GADL1: variants seen among roughly 807,000 people sequenced by gnomAD.
GADL1 encodes acidic amino acid decarboxylase GADL1.
Under a neutral mutation model 69.5 loss-of-function variants are expected in GADL1, and 71 were observed. The ratio of observed to expected loss-of-function variants is 1.02; its 90% CI spans 0.84 to 1.25. GADL1 has a LOEUF of 1.25. Ranked by LOEUF, GADL1 falls within the 50% of genes most tolerant of loss-of-function variation. The probability of loss-of-function intolerance (pLI) is 0.00; values close to 1 mark genes in which losing one functional copy is unlikely to be tolerated. For missense variants in GADL1, 737 were observed against 631.8 expected (o/e 1.17, Z -1.79); for synonymous variants, 254 against 214.4 (o/e 1.18, Z -1.62).
Position 30,888,113 on chromosome 3 carries a change from TTTTG to T in GADL1, c.37+6461_37+6464del, listed in dbSNP as rs1208778418. ...TATACTGTATTGTTTTTGCGTTATTTTTTGTTTTTTATTTCTATTTTTTTAAAAT... is the reference window on the plus strand; with the variant it reads ...TATACTGTATTGTTTTTGCGTTATTTTTTTTTATTTCTATTTTTTTAAAAT... On this transcript the variant is annotated intron_variant, in intron 1 of 14. Transcript: ENST00000282538. Among the ~76,000 whole-genome samples, 116 of 152,336 alleles carry T rather than the reference TTTTG, an allele frequency of 7.6e-4. 1 individual carries two copies. Among genetic ancestry groups the T allele is most frequent in the African/African-American group, 2.6e-3 (109 of 41,580 alleles).
At chr3:30,746,734 G>T (rs563882667) in intron 14 of GADL1, among the ~76,000 whole-genome samples, 1 of 152,276 alleles carries the variant, frequency 6.6e-6, no homozygotes, top group East Asian at 1.9e-4. Context: ...TGACATATAA[G>T]TTGGAGATGC....
chr3:30,751,711 C>T lies in GADL1; in HGVS notation c.1393-23296G>A, dbSNP rs147314287. 3.5e-3 allele frequency among the ~76,000 whole-genome samples: 526 copies of T among 152,234 alleles called. 2 individuals are homozygous for T. Among genetic ancestry groups the T allele is most frequent in the African/African-American group, 0.012 (509 of 41,552 alleles). ...TAACTACAATCGTGTCTCATAGACACGGAGATCTATGCACTGAGAAACTGA... is the reference window on the plus strand; with the variant it reads ...TAACTACAATCGTGTCTCATAGACATGGAGATCTATGCACTGAGAAACTGA... On this transcript the variant is annotated intron_variant, in intron 14 of 14. Transcript: ENST00000282538.
chr3:30,799,240 C>T (rs1697112301), intron 12 of GADL1: 2 of 152,412 alleles, frequency 1.3e-5, no homozygotes, highest in Middle Eastern at 3.4e-3. Flanking sequence ...AAACTTTTAT[C>T]TGGGCATCCA....
intron 1 of GADL1, among the ~76,000 whole-genome samples, chr3:30,891,249 T>A (rs1481070392): frequency 6.6e-6 from 1 of 152,046 alleles, no homozygotes; most frequent in Non-Finnish European, 1.5e-5. Flanking sequence ...GCTGCTTTGA[T>A]CCTTAGCAAC....
chr3:30,811,756 T>A (rs1697359758), intron 11 of GADL1, among the ~76,000 whole-genome samples: 1 of 152,190 alleles, frequency 6.6e-6, no homozygotes, highest in African/African-American at 2.4e-5. Context: ...TCAAGAACAA[T>A]TGGTACAGTG....
chr3:30,750,998 T>C (rs1360712385), intron 14 of GADL1, among the ~76,000 whole-genome samples: 3 of 151,142 alleles, frequency 2.0e-5, no homozygotes, highest in African/African-American at 7.4e-5. Flanking sequence ...TAAAGAACTA[T>C]TGAGACAGGA....
At chr3:30,837,357 C>T (rs1442068797) in intron 9 of GADL1, among the ~76,000 whole-genome samples, 2 of 152,028 alleles carry the variant, frequency 1.3e-5, no homozygotes, top group Non-Finnish European at 2.9e-5. Context: ...GTAAACATGT[C>T]TTTAATAAGC....
chr3:30,843,416 C>T (rs541345546), intron 8 of GADL1, among the ~76,000 whole-genome samples: 87 of 152,154 alleles, frequency 5.7e-4, no homozygotes, highest in African/African-American at 2.0e-3. Context: ...CCACCACGCC[C>T]GGCGAATATT....
chr3:30,811,917 G>GTGCAGC (rs1230951117), intron 11 of GADL1, among the ~76,000 whole-genome samples: 1 of 152,210 alleles, frequency 6.6e-6, no homozygotes, highest in African/African-American at 2.4e-5. Flanking sequence ...TGATGCTAAG[G>GTGCAGC]TGCAGCCAGG....
At chr3:30,796,539 A>T (rs1201691212) in intron 12 of GADL1, among the ~76,000 whole-genome samples, 1 of 152,186 alleles carries the variant, frequency 6.6e-6, no homozygotes, top group Non-Finnish European at 1.5e-5. Flanking sequence ...CTCTCAAATA[A>T]TTAAACTTTC....
At chr3:30,878,581 A>C (rs555332622) in intron 1 of GADL1, among the ~76,000 whole-genome samples, 1 of 152,030 alleles carries the variant, frequency 6.6e-6, no homozygotes, top group African/African-American at 2.4e-5. Context: ...CATAAAATGC[A>C]TAACTTATCT....
chr3:30,826,598 G>A (rs1325602672), intron 11 of GADL1, among the ~76,000 whole-genome samples: 1 of 151,924 alleles, frequency 6.6e-6, no homozygotes, highest in African/African-American at 2.4e-5. Flanking sequence ...ACTCAAGGAT[G>A]AAATTGGGAG....
intron 14 of GADL1, among the ~76,000 whole-genome samples, chr3:30,732,106 T>G (rs1219314401): frequency 1.3e-5 from 2 of 152,200 alleles, no homozygotes; most frequent in Non-Finnish European, 2.9e-5. Flanking sequence ...CATTTTTTAT[T>G]TATGAAGCTC....
chr3:30,874,548 T>G (rs1698549922), intron 1 of GADL1, among the ~76,000 whole-genome samples: 1 of 151,956 alleles, frequency 6.6e-6, no homozygotes, highest in Non-Finnish European at 1.5e-5. Context: ...AATGTCCTCA[T>G]GTTGAATTTG....
At chr3:30,758,461 C>G (rs1410472565) in intron 14 of GADL1, among the ~76,000 whole-genome samples, 2 of 151,998 alleles carry the variant, frequency 1.3e-5, no homozygotes, top group East Asian at 1.9e-4. Flanking sequence ...AATGATTGTG[C>G]TTGAGAACTT....
intron 9 of GADL1, among the ~76,000 whole-genome samples, chr3:30,836,963 T>C (rs1454492640): frequency 1.3e-5 from 2 of 152,118 alleles, no homozygotes; most frequent in African/African-American, 2.4e-5. Flanking sequence ...TTGAAGACAG[T>C]ATCAAATGTA....
chr3:30,730,855 A>AAGTGTGTG (rs528274850), intron 14 of GADL1, among the ~76,000 whole-genome samples: 1 of 151,278 alleles, frequency 6.6e-6, no homozygotes, highest in African/African-American at 2.4e-5. Flanking sequence ...GTGCATAAGC[A>AAGTGTGTG]TGTGTGTGTG....
chr3:30,734,874 C>T (rs1695518287), intron 14 of GADL1, among the ~76,000 whole-genome samples: 1 of 152,122 alleles, frequency 6.6e-6, no homozygotes, highest in African/African-American at 2.4e-5. Context: ...CAATTTTGCT[C>T]CCCATTAAGG....
intron 14 of GADL1, among the ~76,000 whole-genome samples, chr3:30,762,937 G>C (rs1696177266): frequency 6.6e-6 from 1 of 152,140 alleles, no homozygotes; most frequent in Non-Finnish European, 1.5e-5. Context: ...TGGTTGACTA[G>C]TATTCCATTG....
Sources: allele counts gnomAD v4.1 joint callset (sites outside exome capture counted in the v4.1 genomes callset), GRCh38; gene constraint gnomAD v4.1.1; transcripts MANE v1.5; gene names NCBI Gene and HGNC (gene_info 2026-07-23, HGNC 2026-07-21).